The following KCNH8 variants were observed in gnomAD, a reference collection of about 807,000 sequenced individuals.
The protein encoded by KCNH8 is voltage-gated delayed rectifier potassium channel KCNH8.
A neutral mutation model predicts 103.6 loss-of-function variants in KCNH8; 70 were observed. The ratio of observed to expected loss-of-function variants is 0.68; its 90% confidence interval spans 0.56 to 0.82. The LOEUF is 0.82. KCNH8 is among the 40% of genes least tolerant of loss of function. The probability of loss-of-function intolerance (pLI) is 0.00; values close to 1 mark genes in which losing one functional copy is unlikely to be tolerated. For synonymous variants in KCNH8, 498 were observed against 489.4 expected (o/e 1.02, Z -0.23); for missense variants, 1,217 against 1,329.9 (o/e 0.92, Z 1.32).
chr3:19,305,088 G>A (rs1156234972), intron 3 of KCNH8, among the ~76,000 whole-genome samples: 2 of 150,700 alleles, frequency 1.3e-5, no homozygotes, highest in East Asian at 2.0e-4. Flanking sequence ...AAGATAATTC[G>A]ACTTCCAGAA....
chr3:19,439,004 A>T (rs1039770033), intron 8 of KCNH8, among the ~76,000 whole-genome samples: 2 of 152,230 alleles, frequency 1.3e-5, no homozygotes, highest in East Asian at 3.9e-4. Context: ...TCTCCCAATA[A>T]CAAAACAAAT....
intron 1 of KCNH8, among the ~76,000 whole-genome samples, chr3:19,153,057 T>G (rs918526598): frequency 5.3e-5 from 8 of 152,330 alleles, no homozygotes; most frequent in Non-Finnish European, 1.0e-4. Flanking sequence ...TACATAGACC[T>G]CTTAATGTTA....
chr3:19,422,715 A>G (rs1405080655), intron 7 of KCNH8, among the ~76,000 whole-genome samples: 1 of 152,114 alleles, frequency 6.6e-6, no homozygotes, highest in East Asian at 1.9e-4. Context: ...TAGGTGCCTC[A>G]TCCTGAGCTA....
chr3:19,349,984 A>G (rs1340555282), intron 5 of KCNH8, among the ~76,000 whole-genome samples: 1 of 152,082 alleles, frequency 6.6e-6, no homozygotes, highest in Non-Finnish European at 1.5e-5. Context: ...TTGGTCTGCA[A>G]GCAGTTCTAG....
chr3:19,202,985 G>T (rs1252569667), intron 1 of KCNH8, among the ~76,000 whole-genome samples: 2 of 152,068 alleles, frequency 1.3e-5, no homozygotes, highest in Non-Finnish European at 2.9e-5. Context: ...AATACTGTTT[G>T]CATTTTGTTC....
chr3:19,447,986 C>T lies in KCNH8; in HGVS notation c.1376-2120C>T, dbSNP rs549110738. Among the ~76,000 whole-genome samples, 27 of 151,842 alleles carry T rather than the reference C, an allele frequency of 1.8e-4. No individual in the cohort carries two copies. In the South Asian group the frequency reaches 5.4e-3, roughly 30 times the overall value. ...TATTTCATCAATAAGTTATGTCTACCAAGAGCCGCTCTTTACTATTTAAGA... is the reference window on the plus strand; with the variant it reads ...TATTTCATCAATAAGTTATGTCTACTAAGAGCCGCTCTTTACTATTTAAGA... On this transcript the variant is annotated intron_variant, in intron 8 of 15. Transcript: ENST00000328405.
intron 4 of KCNH8, among the ~76,000 whole-genome samples, chr3:19,343,442 G>C (rs1007992632): frequency 6.6e-6 from 1 of 152,060 alleles, no homozygotes; most frequent in African/African-American, 2.4e-5. Flanking sequence ...ACTTCACTGA[G>C]AAACCTAGAA....
chr3:19,358,773 C>A (rs1347911855), intron 5 of KCNH8, among the ~76,000 whole-genome samples: 2 of 151,820 alleles, frequency 1.3e-5, no homozygotes, highest in African/African-American at 4.8e-5. Flanking sequence ...CACCTTTTAA[C>A]ATGTCCAGAG....
At chr3:19,395,639 T>C (rs1245257264) in intron 7 of KCNH8, among the ~76,000 whole-genome samples, 1 of 151,992 alleles carries the variant, frequency 6.6e-6, no homozygotes, top group African/African-American at 2.4e-5. Flanking sequence ...TAATAGTAAA[T>C]CACTGGGAAA....
At chr3:19,299,496 G>A (rs1401390186) in intron 3 of KCNH8, among the ~76,000 whole-genome samples, 1 of 152,012 alleles carries the variant, frequency 6.6e-6, no homozygotes, top group Non-Finnish European at 1.5e-5. Context: ...AACAAAAAGT[G>A]TCTCGTCTTG....
intron 1 of KCNH8, among the ~76,000 whole-genome samples, chr3:19,202,187 G>A (rs1559420342): frequency 4.6e-5 from 7 of 152,084 alleles, no homozygotes; most frequent in Admixed American, 3.3e-4. Flanking sequence ...TGCTTAGGCC[G>A]GTCCTGGCTT....
Position 19,534,260 on chromosome 3 carries a change from T to TA in KCNH8, c.*162dup, listed in dbSNP as rs1342079570. On this transcript the variant is annotated 3_prime_UTR_variant, in exon 16 of 16. Transcript: ENST00000328405. ...GAAAGGCAGAACCACCTCCATGCTG[T>TA]AGCAAACAATTTCTAGATACTAGAA... The TA allele has an allele frequency of 4.9e-6, 3 of 606,540 alleles. No homozygotes were observed. Among genetic ancestry groups the TA allele is most frequent in the South Asian group, 4.2e-5 (2 of 47,956 alleles). 37.6% of individuals were successfully genotyped at this position (606,540 alleles called of 1,614,324 possible).
At chr3:19,354,491 C>G (rs183833734) in intron 5 of KCNH8, among the ~76,000 whole-genome samples, 21 of 152,220 alleles carry the variant, frequency 1.4e-4, no homozygotes, top group Admixed American at 1.3e-3. Flanking sequence ...TACTACAAGG[C>G]TACAGTAACC....
chr3:19,292,161 C>T (rs1168474618), intron 3 of KCNH8, among the ~76,000 whole-genome samples: 1 of 152,048 alleles, frequency 6.6e-6, no homozygotes, highest in Non-Finnish European at 1.5e-5. Context: ...TTGTTTATTT[C>T]TTGTTGAGTG....
intron 2 of KCNH8, among the ~76,000 whole-genome samples, chr3:19,263,794 G>A (rs1559449372): frequency 1.3e-5 from 2 of 152,070 alleles, no homozygotes; most frequent in East Asian, 1.9e-4. Flanking sequence ...ATGTGCAGTT[G>A]TGTTGCACAA....
Position 19,170,691 on chromosome 3 carries a change from C to CACACATATATAT in KCNH8, c.76+21908_76+21919dup, listed in dbSNP as rs1234485585. ...ATATATATACACACACACATATATA[C>CACACATATATAT]ACACATATATATACACATATATACA... is the stretch of plus-strand genomic sequence containing the variant. On this transcript the variant is annotated intron_variant, in intron 1 of 15. Transcript: ENST00000328405. Among the ~76,000 whole-genome samples, 160 of 143,382 alleles carry CACACATATATAT rather than the reference C, an allele frequency of 1.1e-3. 2 individuals are homozygous for CACACATATATAT. The Admixed American group carries it at 0.011, about 10-fold the overall frequency. The allele number at this position is 143,382 out of a possible 152,430, so 94.1% of individuals were successfully genotyped here. A position where few individuals can be genotyped will look rare whatever the true frequency, so the allele number is the denominator to read the frequency against.
intron 1 of KCNH8, among the ~76,000 whole-genome samples, chr3:19,235,316 T>A (rs1228107295): frequency 1.3e-5 from 2 of 152,302 alleles, no homozygotes; most frequent in African/African-American, 4.8e-5. Flanking sequence ...ATGTAAATTT[T>A]ACAAGCACAT....
At chr3:19,168,808 C>T (rs1188365828) in intron 1 of KCNH8, among the ~76,000 whole-genome samples, 1 of 152,122 alleles carries the variant, frequency 6.6e-6, no homozygotes, top group Non-Finnish European at 1.5e-5. Context: ...TATGAAATTT[C>T]CTCAGAAAAA....
chr3:19,503,847 G>A (rs1404355815), intron 11 of KCNH8, among the ~76,000 whole-genome samples: 1 of 151,996 alleles, frequency 6.6e-6, no homozygotes, highest in East Asian at 1.9e-4. Flanking sequence ...GTTAGTGGGT[G>A]CAGCGCACCA....
Sources: gnomAD v4.1 joint callset for allele counts (sites outside exome capture counted in the v4.1 genomes callset) on GRCh38, gnomAD v4.1.1 for gene constraint, MANE v1.5 for transcripts, NCBI Gene and HGNC (gene_info 2026-07-23, HGNC 2026-07-21) for gene names.